Variants in MAPKAP1 observed in about 807,000 individuals in gnomAD.
MAPKAP1 encodes target of rapamycin complex 2 subunit MAPKAP1.
In MAPKAP1, 20 loss-of-function variants were observed where a neutral mutation model predicts 65.7. That is an observed-to-expected ratio of 0.30 (90% CI 0.21 to 0.44). MAPKAP1 has a LOEUF of 0.44. Among genes scored for constraint, MAPKAP1 ranks in the 20% least tolerant of loss-of-function variants. The pLI, the probability that MAPKAP1 is intolerant of heterozygous loss-of-function variation, is 1.00. For synonymous variants in MAPKAP1, 222 were observed against 244.3 expected, an observed-to-expected ratio of 0.91 and a Z score of 0.85; for missense variants, 423 against 648.0, an observed-to-expected ratio of 0.65 and a Z score of 3.77.
rs1564622446 is a variant in MAPKAP1, at chr9:125,698,303, ATATATATATAT to A, written c.-70+8657_-70+8667del. ...AATATATATAAATATATATATATAT[ATATATATATAT>A]ATATATATATATATATATATATAAA... On this transcript the variant is annotated intron_variant, in intron 1 of 11. Coordinates refer to ENST00000265960, the MANE Select transcript of MAPKAP1 (RefSeq NM_001006617.3). Among the ~76,000 whole-genome samples, 3 of 21,464 alleles carry A rather than the reference ATATATATATAT, an allele frequency of 1.4e-4. No homozygotes were observed. The South Asian group carries it at 3.0e-3, about 22-fold the overall frequency. 14.1% of individuals were successfully genotyped at this position (21,464 alleles called of 152,430 possible).
chr9:125,676,298 T>C (rs1226658870), intron 1 of MAPKAP1, among the ~76,000 whole-genome samples: 2 of 152,228 alleles, frequency 1.3e-5, no homozygotes, highest in African/African-American at 2.4e-5. Context: ...TCAGAGTAAT[T>C]TGTAATACTG....
intron 3 of MAPKAP1, among the ~76,000 whole-genome samples, chr9:125,660,535 G>C (rs574508309): frequency 6.6e-6 from 1 of 152,210 alleles, no homozygotes; most frequent in East Asian, 1.9e-4. Flanking sequence ...TGAAATTATA[G>C]ACATCCAACT....
rs778312476 is a variant in MAPKAP1 at position 125,438,849 on chromosome 9, C to G, written c.*38G>C. On this transcript the variant is annotated 3_prime_UTR_variant, in exon 12 of 12. Transcript: ENST00000265960. ...AGGGCACTTGGCCCTGGCAGGCAGG[C>G]TCTGAGCTACGGAACAGATTGAGGC... 3.7e-6 allele frequency: 6 copies of G among 1,613,220 alleles called. No individual in the cohort carries two copies. The highest frequency in any genetic ancestry group is 3.3e-5 in the Admixed American group (2 of 59,946).
intron 4 of MAPKAP1, among the ~76,000 whole-genome samples, chr9:125,644,470 CCAGA>C (rs1390412671): frequency 2.6e-5 from 4 of 152,172 alleles, no homozygotes; most frequent in Non-Finnish European, 1.5e-5. Flanking sequence ...TGTTAAGAGA[CCAGA>C]TAAAGAATTA....
chr9:125,440,183 G>A (rs1373702575), intron 11 of MAPKAP1, among the ~76,000 whole-genome samples: 1 of 152,206 alleles, frequency 6.6e-6, no homozygotes, highest in African/African-American at 2.4e-5. Context: ...TGAAATCAGT[G>A]GTGGCAACTG....
intron 6 of MAPKAP1, among the ~76,000 whole-genome samples, chr9:125,552,984 A>G (rs900990146): frequency 6.6e-6 from 1 of 152,186 alleles, no homozygotes; most frequent in Admixed American, 6.5e-5. Flanking sequence ...TATGTATGAT[A>G]TGGATGTGTA....
chr9:125,540,976 G>T (rs1217005737), intron 7 of MAPKAP1, among the ~76,000 whole-genome samples: 2 of 152,144 alleles, frequency 1.3e-5, no homozygotes, highest in Non-Finnish European at 2.9e-5. Flanking sequence ...AGATCCTTCT[G>T]TTTTATGAGA....
At chr9:125,469,033 T>C (rs1438490469) in intron 9 of MAPKAP1, among the ~76,000 whole-genome samples, 1 of 152,164 alleles carries the variant, frequency 6.6e-6, no homozygotes, top group Non-Finnish European at 1.5e-5. Context: ...ATGTGCTCTT[T>C]TTCCTCTTTT....
intron 8 of MAPKAP1, among the ~76,000 whole-genome samples, chr9:125,497,596 T>A (rs976502699): frequency 6.6e-6 from 1 of 152,228 alleles, no homozygotes; most frequent in Non-Finnish European, 1.5e-5. Flanking sequence ...CACCAAATCC[T>A]TGTGAAATAG....
Position 125,438,886 on chromosome 9 carries a change from G to A in MAPKAP1, c.*1C>T, listed in dbSNP as rs1852380268. 3 of 1,614,194 alleles carry A rather than the reference G, an allele frequency of 1.9e-6. No homozygotes were observed. The East Asian group carries it at 6.7e-5, about 36-fold the overall frequency. The stretch of plus-strand genomic sequence containing the variant: ...GAACAGATTGAGGCTGGAGGCCAGT[G>A]TCACTGCTGCCCGGATTTCTTCTCC... On this transcript the variant is annotated 3_prime_UTR_variant, in exon 12 of 12. Coordinates refer to ENST00000265960, the MANE Select transcript of MAPKAP1 (RefSeq NM_001006617.3).
intron 6 of MAPKAP1, among the ~76,000 whole-genome samples, chr9:125,550,680 C>G (rs1830559131): frequency 6.6e-6 from 1 of 152,200 alleles, no homozygotes; most frequent in Non-Finnish European, 1.5e-5. Flanking sequence ...AAAATCCTTT[C>G]TTTTCTCTAG....
chr9:125,645,090 A>G (rs1043689772), intron 4 of MAPKAP1, among the ~76,000 whole-genome samples: 1 of 152,296 alleles, frequency 6.6e-6, no homozygotes, highest in East Asian at 1.9e-4. Context: ...CATAAAAAGT[A>G]ACCGTCACCA....
At chr9:125,601,457 G>A (rs759873600) in intron 4 of MAPKAP1, among the ~76,000 whole-genome samples, 3 of 152,034 alleles carry the variant, frequency 2.0e-5, no homozygotes, top group African/African-American at 7.3e-5. Context: ...TGGTAGGTTC[G>A]TAACTAAGTG....
intron 1 of MAPKAP1, among the ~76,000 whole-genome samples, chr9:125,702,688 C>T (rs1475651494): frequency 6.6e-6 from 1 of 151,430 alleles, no homozygotes; most frequent in Non-Finnish European, 1.5e-5. Flanking sequence ...CCTGTCTCTA[C>T]TAAAAATACA....
intron 10 of MAPKAP1, among the ~76,000 whole-genome samples, chr9:125,445,338 C>T (rs543836208): frequency 2.2e-4 from 34 of 152,362 alleles, no homozygotes; most frequent in African/African-American, 7.9e-4. Context: ...AGGCCACAGG[C>T]TGCCAGAGTG....
intron 1 of MAPKAP1, among the ~76,000 whole-genome samples, chr9:125,698,498 C>A (rs1276229137): frequency 6.6e-6 from 1 of 150,756 alleles, no homozygotes; most frequent in Non-Finnish European, 1.5e-5. Flanking sequence ...TGTGCCACCA[C>A]GCCTGGCAAA....
chr9:125,670,152 G>A (rs1014210415), intron 2 of MAPKAP1, among the ~76,000 whole-genome samples: 1 of 151,992 alleles, frequency 6.6e-6, no homozygotes, highest in Non-Finnish European at 1.5e-5. Flanking sequence ...GTATTAACAT[G>A]GAAGAGAATA....
chr9:125,479,237 A>C (rs1444390111), intron 9 of MAPKAP1, among the ~76,000 whole-genome samples: 1 of 152,208 alleles, frequency 6.6e-6, no homozygotes, highest in Non-Finnish European at 1.5e-5. Context: ...ATTTTAAAAG[A>C]CCAGAGCTGT....
At chr9:125,704,979 G>A (rs1355441398) in intron 1 of MAPKAP1, among the ~76,000 whole-genome samples, 2 of 152,176 alleles carry the variant, frequency 1.3e-5, no homozygotes, top group Non-Finnish European at 2.9e-5. Context: ...TGTAAGAACA[G>A]GGACCAGGAA....
Sources: allele counts gnomAD v4.1 joint callset (sites outside exome capture counted in the v4.1 genomes callset), GRCh38; gene constraint gnomAD v4.1.1; transcripts MANE v1.5; gene names NCBI Gene and HGNC (gene_info 2026-07-23, HGNC 2026-07-21).